Variants in CACNA2D3 observed in about 807,000 individuals in gnomAD.
The protein encoded by CACNA2D3 is voltage-dependent calcium channel subunit alpha-2/delta-3.
A neutral mutation model predicts 160.6 loss-of-function variants in CACNA2D3; 60 were observed. That is an observed-to-expected ratio of 0.37 (90% CI 0.30 to 0.46). The LOEUF (loss-of-function observed/expected upper bound fraction) is 0.46. CACNA2D3 is among the 20% of genes least tolerant of loss of function. The pLI, the probability that CACNA2D3 is intolerant of heterozygous loss-of-function variation, is 1.00. For missense variants in CACNA2D3, 1,205 were observed against 1,365.0 expected (o/e 0.88, Z 1.85); for synonymous variants, 558 against 492.9 (o/e 1.13, Z -1.75).
intron 4 of CACNA2D3, among the ~76,000 whole-genome samples, chr3:54,489,804 A>T (rs578095653): frequency 6.6e-5 from 10 of 152,344 alleles, no homozygotes; most frequent in East Asian, 5.8e-4. Context: ...GAGATTCCAG[A>T]TGGCTGGAAG....
intron 4 of CACNA2D3, among the ~76,000 whole-genome samples, chr3:54,461,707 T>A (rs1324506818): frequency 1.3e-5 from 2 of 151,946 alleles, no homozygotes; most frequent in Non-Finnish European, 2.9e-5. Context: ...ATCAGTTTTG[T>A]TGATCCTTTC....
At chr3:54,769,877 T>C (rs1025707918) in intron 13 of CACNA2D3, among the ~76,000 whole-genome samples, 2 of 152,210 alleles carry the variant, frequency 1.3e-5, no homozygotes, top group Non-Finnish European at 2.9e-5. Context: ...TTCACTTGGC[T>C]GTAATTATGT....
chr3:54,507,333 T>A (rs1225762944), intron 5 of CACNA2D3, among the ~76,000 whole-genome samples: 2 of 152,056 alleles, frequency 1.3e-5, no homozygotes, highest in Non-Finnish European at 2.9e-5. Flanking sequence ...ATTCTTTTTG[T>A]CTTGTGTGAT....
chr3:55,050,861 C>T (rs1336701682), intron 35 of CACNA2D3, among the ~76,000 whole-genome samples: 1 of 132,844 alleles, frequency 7.5e-6, no homozygotes, highest in Non-Finnish European at 1.6e-5. Flanking sequence ...ATTTCATCTT[C>T]CATTGCTGAT....
chr3:54,919,054 G>A (rs576851886), intron 27 of CACNA2D3, among the ~76,000 whole-genome samples: 7 of 151,596 alleles, frequency 4.6e-5, no homozygotes, highest in Non-Finnish European at 8.8e-5. Flanking sequence ...ATGATTTTAG[G>A]ATTCCTAAAT....
At chr3:54,720,335 T>C (rs1338064402) in intron 11 of CACNA2D3, among the ~76,000 whole-genome samples, 1 of 152,076 alleles carries the variant, frequency 6.6e-6, no homozygotes, top group East Asian at 1.9e-4. Flanking sequence ...GAACTCAAAC[T>C]ATTTTCTAAT....
intron 5 of CACNA2D3, among the ~76,000 whole-genome samples, chr3:54,546,478 T>C (rs6445695): frequency 1 from 151,976 of 152,270 alleles, 75,843 homozygotes; most frequent in Middle Eastern, 1. Flanking sequence ...CCTTTCTTCT[T>C]CCATTGATAA....
At chr3:54,659,963 A>G (rs903841745) in intron 11 of CACNA2D3, among the ~76,000 whole-genome samples, 12 of 151,962 alleles carry the variant, frequency 7.9e-5, no homozygotes, top group Admixed American at 6.6e-5. Context: ...CAAATCCCCA[A>G]CTGCTTTGTG....
At chr3:55,070,643 G>A (rs1312249764) in intron 35 of CACNA2D3, among the ~76,000 whole-genome samples, 1 of 152,122 alleles carries the variant, frequency 6.6e-6, no homozygotes, top group African/African-American at 2.4e-5. Flanking sequence ...CACAGGTGCA[G>A]GTTTATCTTC....
intron 11 of CACNA2D3, among the ~76,000 whole-genome samples, chr3:54,694,714 G>C (rs932550242): frequency 6.6e-6 from 1 of 152,068 alleles, no homozygotes; most frequent in African/African-American, 2.4e-5. Context: ...GCTGTATTTG[G>C]GTTCCTTCCC....
chr3:54,466,314 C>T (rs1325355233), intron 4 of CACNA2D3, among the ~76,000 whole-genome samples: 1 of 152,054 alleles, frequency 6.6e-6, no homozygotes, highest in Non-Finnish European at 1.5e-5. Context: ...GAAAAAAGTA[C>T]TAAAAGAAGT....
At chr3:54,242,228 C>G (rs764370597) in intron 2 of CACNA2D3, among the ~76,000 whole-genome samples, 13 of 152,136 alleles carry the variant, frequency 8.5e-5, no homozygotes, top group Middle Eastern at 3.4e-3. Flanking sequence ...CCAGACCAGC[C>G]TGGCCAACAT....
intron 4 of CACNA2D3, among the ~76,000 whole-genome samples, chr3:54,489,309 G>A (rs1294061822): frequency 6.6e-6 from 1 of 152,208 alleles, no homozygotes; most frequent in Non-Finnish European, 1.5e-5. Context: ...GGGATCAGAT[G>A]TGGGAGACGA....
At chr3:54,277,199 G>A (rs142875855) in intron 2 of CACNA2D3, among the ~76,000 whole-genome samples, 2 of 152,180 alleles carry the variant, frequency 1.3e-5, no homozygotes, top group African/African-American at 4.8e-5. Flanking sequence ...TTAAAATCCC[G>A]CCAGTGCCTA....
chr3:54,884,712 C>T (rs1699883078), intron 21 of CACNA2D3, among the ~76,000 whole-genome samples: 1 of 152,174 alleles, frequency 6.6e-6, no homozygotes, highest in Admixed American at 6.5e-5. Flanking sequence ...GGCGGATGAC[C>T]GTTTTCACTT....
At chr3:54,778,170 CACTT>C (rs934400185) in intron 13 of CACNA2D3, among the ~76,000 whole-genome samples, 2 of 152,142 alleles carry the variant, frequency 1.3e-5, no homozygotes, top group African/African-American at 4.8e-5. Flanking sequence ...AGCTGCTACA[CACTT>C]TTAAACAACC....
chr3:55,021,625 G>GTATATA (rs61298986), intron 35 of CACNA2D3, among the ~76,000 whole-genome samples: 1,848 of 131,476 alleles, frequency 0.014, 47 homozygotes, highest in African/African-American at 0.049. Context: ...ATGTGTGTGT[G>GTATATA]TATATATATA....
intron 10 of CACNA2D3, among the ~76,000 whole-genome samples, chr3:54,637,043 A>G (rs916835065): frequency 6.6e-6 from 1 of 151,980 alleles, no homozygotes; most frequent in Admixed American, 6.5e-5. Context: ...GTTTGGCACC[A>G]CGGGGTGGAT....
rs373100612 is a variant in CACNA2D3 at position 54,800,974 on chromosome 3, T to C, written c.1381-15879T>C. Among the ~76,000 whole-genome samples, 24 of 151,932 alleles carry C rather than the reference T, an allele frequency of 1.6e-4. 1 individual carries two copies. Among genetic ancestry groups the C allele is most frequent in the African/African-American group, 5.8e-4 (24 of 41,390 alleles). On this transcript the variant is annotated intron_variant, in intron 13 of 37. Transcript: ENST00000474759. ...TATCCAGATAATCTGTATTTTAAAA[T>C]TACTGGAATATCTTTTTTTTTTTTT...
Sources: allele counts gnomAD v4.1 joint callset (sites outside exome capture counted in the v4.1 genomes callset), GRCh38; gene constraint gnomAD v4.1.1; transcripts MANE v1.5; gene names NCBI Gene and HGNC (gene_info 2026-07-23, HGNC 2026-07-21).